Variants in RBM5 observed in about 807,000 individuals in gnomAD.
RBM5 encodes RNA binding motif protein 5.
In RBM5, 15 loss-of-function variants were observed where a neutral mutation model predicts 124.6. The observed-to-expected ratio is 0.12, with a 90% CI of 0.08 to 0.19. The LOEUF (loss-of-function observed/expected upper bound fraction) is 0.19, where lower values mean the gene tolerates loss of function less well. Among genes scored for constraint, RBM5 ranks in the 10% least tolerant of loss-of-function variants. The probability of loss-of-function intolerance (pLI) is 1.00; values close to 1 mark genes in which losing one functional copy is unlikely to be tolerated. For missense variants in RBM5, 580 were observed against 1,026.5 expected, an observed-to-expected ratio of 0.57 and a Z score of 5.94; for synonymous variants, 337 against 361.2, an observed-to-expected ratio of 0.93 and a Z score of 0.76.
chr3:50,090,443 A>G lies in RBM5; in HGVS notation c.9A>G (p.Ser3=). Residue 3 remains serine (S), a synonymous_variant, in exon 2 of 25, where the codon TCA becomes TCG. Coordinates refer to ENST00000347869, the MANE Select transcript of RBM5 (RefSeq NM_005778.4). ...AAATCTTCAGTGGGACAATGGGTTC[A>G]GACAAAAGGTAAGTTACTACAGTAC... MG[S]DKRVSRTERS... 6.2e-7 allele frequency: 1 copy of G among 1,614,098 alleles called. No homozygotes were observed. The highest frequency in any genetic ancestry group is 8.5e-7 in the Non-Finnish European group (1 of 1,179,966).
At chr3:50,104,195 A>G in intron 7 of RBM5, 53 bp from the exon 8 acceptor site, 3 of 1,513,494 alleles carry the variant, frequency 2.0e-6, no homozygotes, top group African/African-American at 2.8e-5. Context: ...TATTGTTACT[A>G]GAAAGCCTGG....
Position 50,110,659 on chromosome 3 carries a change from G to A in RBM5, c.1364-20G>A. On this transcript the variant is annotated intron_variant, in intron 16 of 24. Coordinates refer to ENST00000347869, the MANE Select transcript of RBM5 (RefSeq NM_005778.4). ...AATTTCTTACCTGGAATGACTGTAT[G>A]CTGGATTTTGTTTTTGCAGCAGTAC... 3 of 1,593,496 alleles carry A rather than the reference G, an allele frequency of 1.9e-6. No individual in the cohort carries two copies. Among genetic ancestry groups the A allele is most frequent in the Non-Finnish European group, 2.6e-6 (3 of 1,162,970 alleles).
rs1221267030 is a variant in RBM5, at chr3:50,117,229, CTG to C, written c.2193-15_2193-14del. The stretch of plus-strand genomic sequence containing the variant: ...CTGGGGCCCTGGCTGTTTTAAGTAA[CTG>C]TGTGTTTGCCACTGGCAGGAATTAC... On this transcript the variant is annotated intron_variant, in intron 23 of 24. Transcript: ENST00000347869. This position sits in a 1 kb window ranked among gnomAD's most constrained non-coding sequence, Gnocchi z 4.2. 6.2e-7 allele frequency: 1 copy of C among 1,614,168 alleles called. No individual in the cohort carries two copies.
Position 50,118,643 on chromosome 3 carries a change from T to A in RBM5, c.*187T>A. 1.1e-6 allele frequency: 1 copy of A among 882,372 alleles called. No homozygotes were observed. The highest frequency in any genetic ancestry group is 1.7e-6 in the Non-Finnish European group (1 of 590,018). The allele number at this position is 882,372 out of a possible 1,614,324, so 54.7% of individuals were successfully genotyped here. On this transcript the variant is annotated 3_prime_UTR_variant, in exon 25 of 25. Coordinates refer to ENST00000347869, the MANE Select transcript of RBM5 (RefSeq NM_005778.4). The stretch of plus-strand genomic sequence containing the variant: ...CCCCTTATGTGGGTTGCCTGGTGAA[T>A]GGCCTTCCTTCCCGCCAGAGGGCTT...
At position 50,106,118 on chromosome 3, in the gene RBM5, ATTTTTTTTTTTTTTTT is replaced by A. The variant is rs61297967; in HGVS notation, c.855+428_855+443del. Among the ~76,000 whole-genome samples, 269 of 32,782 alleles carry A rather than the reference ATTTTTTTTTTTTTTTT, an allele frequency of 8.2e-3. 1 individual carries two copies. Among genetic ancestry groups the A allele is most frequent in the Non-Finnish European group, 0.011 (192 of 16,800 alleles). 21.5% of individuals were successfully genotyped at this position (32,782 alleles called of 152,430 possible). On this transcript the variant is annotated intron_variant, in intron 10 of 24. Coordinates refer to ENST00000347869, the MANE Select transcript of RBM5 (RefSeq NM_005778.4). ...CAGGTGCCCGCCACCACGCCCAGCT[ATTTTTTTTTTTTTTTT>A]TTTTTTTTTTTTTTTTTTGAGAGGG...
intron 1 of RBM5, 190 bp from the exon 2 acceptor site, chr3:50,090,192 T>C (rs935982135): frequency 2.3e-6 from 1 of 439,312 alleles, no homozygotes; most frequent in Non-Finnish European, 4.1e-6. Flanking sequence ...CCGGTTTTGC[T>C]CATTGTTAAC....
In RBM5 at chr3:50,100,169, C is replaced by A; in HGVS notation, c.409+118C>A. ...ACATGAATTCAGAATGAAAGGTTTGCCATGGCTAAGGAATGTGACTCTTTG... is the reference window on the plus strand; with the variant it reads ...ACATGAATTCAGAATGAAAGGTTTGACATGGCTAAGGAATGTGACTCTTTG... On this transcript the variant is annotated intron_variant, in intron 5 of 24. Coordinates refer to ENST00000347869, the MANE Select transcript of RBM5 (RefSeq NM_005778.4). This position sits in a 1 kb window ranked among gnomAD's most constrained non-coding sequence, Gnocchi z 5.1. 1 of 975,990 alleles carries A rather than the reference C, an allele frequency of 1.0e-6. No homozygotes were observed. Among genetic ancestry groups the A allele is most frequent in the Non-Finnish European group, 1.5e-6 (1 of 650,574 alleles). 60.5% of individuals were successfully genotyped at this position (975,990 alleles called of 1,614,324 possible). A position where few individuals can be genotyped will look rare whatever the true frequency, so the allele number is the denominator to read the frequency against.
intron 17 of RBM5, 164 bp from the exon 18 acceptor site, chr3:50,113,219 A>T: frequency 1.7e-6 from 1 of 581,560 alleles, no homozygotes; most frequent in African/African-American, 1.9e-5. Context: ...CCTCTTTGCT[A>T]GGTGGTTCAT....
rs1279065377 is a variant in RBM5 at position 50,110,990 on chromosome 3, A to G, written c.1455+220A>G. 9.4e-6 allele frequency: 5 copies of G among 529,922 alleles called. No individual in the cohort carries two copies. The African/African-American group carries it at 9.6e-5, about 10-fold the overall frequency. 32.8% of individuals were successfully genotyped at this position (529,922 alleles called of 1,614,324 possible). ...ATAATATACACACAAAAAAATACAC[A>G]AAACAGAAATGTGCAATTCTTTGAA... On this transcript the variant is annotated intron_variant, in intron 17 of 24. Transcript: ENST00000347869.
At chr3:50,107,975 A>G (rs2091070621) in intron 12 of RBM5, 95 bp from the exon 13 acceptor site, 2 of 1,062,564 alleles carry the variant, frequency 1.9e-6, no homozygotes, top group African/African-American at 1.6e-5. Context: ...CGTGAGCCAC[A>G]GCGCCCAGCA....
chr3:50,111,401 G>A (rs1489190899), intron 17 of RBM5, among the ~76,000 whole-genome samples: 1 of 152,042 alleles, frequency 6.6e-6, no homozygotes, highest in Non-Finnish European at 1.5e-5. Context: ...TCTACTCTCT[G>A]TCTCTATGGA....
chr3:50,096,363 C>T (rs538247925), intron 4 of RBM5, among the ~76,000 whole-genome samples: 1 of 151,530 alleles, frequency 6.6e-6, no homozygotes, highest in South Asian at 2.1e-4. Context: ...TGGCGCTTGT[C>T]TGTGGTCCCA....
At chr3:50,089,555 G>C (rs1404346825) in intron 1 of RBM5, among the ~76,000 whole-genome samples, 1 of 152,260 alleles carries the variant, frequency 6.6e-6, no homozygotes, top group Non-Finnish European at 1.5e-5. Context: ...GGTGGGTGCC[G>C]GCACCGCCCG....
intron 2 of RBM5, 111 bp from the exon 3 acceptor site, chr3:50,091,932 C>G: frequency 9.7e-7 from 1 of 1,032,592 alleles, no homozygotes; most frequent in Non-Finnish European, 1.4e-6. Context: ...ACACTTTAAA[C>G]TATTTGGATT....
chr3:50,090,602 C>A (rs1457218625), intron 2 of RBM5, 151 bp downstream of exon 2: 3 of 869,358 alleles, frequency 3.5e-6, no homozygotes, highest in African/African-American at 1.7e-5. Context: ...AAACTACAGT[C>A]TAGTGAGAGA....
chr3:50,113,920 T>G, intron 18 of RBM5, 30 bp from the exon 19 acceptor site: 4 of 1,605,356 alleles, frequency 2.5e-6, no homozygotes, highest in Non-Finnish European at 3.4e-6. Context: ...ATTAAATATT[T>G]TTTTGTTGGT....
Position 50,105,079 on chromosome 3 carries a change from T to A in RBM5, c.631T>A (p.Ser211Thr). The change falls in exon 9 of 25, where the codon TCT (serine) becomes ACT (threonine). Residue 211 changes from serine to threonine, a missense_variant and splice_region_variant. Transcript: ENST00000347869. ...AATTGGATCACTTTCCCTTCTAGAC[T>A]CTGAACAGGAAGTGCCTCCTGGAAC... ...CFRCGADKFD[S>T]EQEVPPGTTE... The A allele has an allele frequency of 6.3e-7, 1 of 1,580,344 alleles. No individual in the cohort carries two copies. Among genetic ancestry groups the A allele is most frequent in the Non-Finnish European group, 8.7e-7 (1 of 1,150,126 alleles).
chr3:50,089,162 C>T lies in RBM5; in HGVS notation c.-54+133C>T, dbSNP rs555228336. 21 of 152,616 alleles carry T rather than the reference C, an allele frequency of 1.4e-4. No individual in the cohort carries two copies. The East Asian group carries it at 4.0e-3, about 29-fold the overall frequency. 9.5% of individuals were successfully genotyped at this position (152,616 alleles called of 1,614,324 possible). ...TGTAGAGGGGCTAAATTACCCCAGG[C>T]GTTGGAGGGCCGCGCCCTTCCTTGT... On this transcript the variant is annotated intron_variant, in intron 1 of 24. Transcript: ENST00000347869.
chr3:50,116,010 G>A, intron 22 of RBM5, 30 bp downstream of exon 22: 1 of 1,567,672 alleles, frequency 6.4e-7, no homozygotes, highest in Non-Finnish European at 8.8e-7. Flanking sequence ...ACAAGGAAGA[G>A]GATATTGGGA....
Sources: allele counts gnomAD v4.1 joint callset (sites outside exome capture counted in the v4.1 genomes callset), GRCh38; gene constraint gnomAD v4.1.1; non-coding constraint Gnocchi (gnomAD v3.1); transcripts MANE v1.5; gene names NCBI Gene and HGNC (gene_info 2026-07-23, HGNC 2026-07-21).